The following COL6A5 variants were observed in gnomAD, a reference collection of about 807,000 sequenced individuals.
The protein encoded by COL6A5 is collagen type VI alpha 5 chain.
Under a neutral mutation model 65.6 loss-of-function variants are expected in COL6A5, and 48 were observed. The ratio of observed to expected loss-of-function variants is 0.73; its 90% CI spans 0.58 to 0.93. COL6A5 has a LOEUF of 0.93. COL6A5 is among the 40% of genes least tolerant of loss of function. The pLI is 0.00. For synonymous variants in COL6A5, 291 were observed against 322.8 expected (o/e 0.90, Z 1.05); for missense variants, 914 against 928.3 (o/e 0.98, Z 0.20).
At chr3:130,352,065 C>T (rs947430109) in intron 1 of COL6A5, among the ~76,000 whole-genome samples, 1 of 152,098 alleles carries the variant, frequency 6.6e-6, no homozygotes, top group Non-Finnish European at 1.5e-5. Flanking sequence ...GGACAGAAAA[C>T]CAAACACCGC....
At chr3:130,348,937 T>A (rs1466212272) in intron 1 of COL6A5, among the ~76,000 whole-genome samples, 1 of 152,202 alleles carries the variant, frequency 6.6e-6, no homozygotes, top group Non-Finnish European at 1.5e-5. Context: ...TCTGTTCATA[T>A]CCTTCACCCA....
At chr3:130,466,021 A>G (rs991815440) in intron 5 of COL6A5, among the ~76,000 whole-genome samples, 3 of 152,058 alleles carry the variant, frequency 2.0e-5, no homozygotes, top group Admixed American at 1.3e-4. Context: ...AAAAAGATAT[A>G]AAAAATGAAA....
chr3:130,452,831 C>T (rs573068966), intron 4 of COL6A5, among the ~76,000 whole-genome samples: 5 of 152,244 alleles, frequency 3.3e-5, no homozygotes, highest in Admixed American at 2.0e-4. Flanking sequence ...CCATAGAATA[C>T]GGCCACACCC....
chr3:130,481,308 G>A (rs191933869), intron 7 of COL6A5, among the ~76,000 whole-genome samples: 15 of 147,532 alleles, frequency 1.0e-4, no homozygotes, highest in African/African-American at 3.8e-4. Context: ...TTGGTTTTCT[G>A]TTCCTGTGTT....
At position 130,406,185 on chromosome 3, in the gene COL6A5, A is replaced by G; in HGVS notation, c.4425+10A>G. On this transcript the variant is annotated intron_variant and NMD_transcript_variant, in intron 16 of 41. Coordinates refer to the COL6A5 transcript ENST00000312481. ...ACTTGATGGGGAAGAGGTAAGCCAT[A>G]TTTCTTCAAGTATCATAAAACTGTC... is the stretch of plus-strand genomic sequence containing the variant. 1 of 1,550,464 alleles carries G rather than the reference A, an allele frequency of 6.4e-7. No individual in the cohort carries two copies. The highest frequency in any genetic ancestry group is 8.7e-7 in the Non-Finnish European group (1 of 1,145,914).
intron 4 of COL6A5, among the ~76,000 whole-genome samples, chr3:130,451,893 G>C (rs1353457681): frequency 6.6e-6 from 1 of 152,276 alleles, no homozygotes; most frequent in Non-Finnish European, 1.5e-5. Flanking sequence ...CATTAGGACA[G>C]CAGGTACCAA....
At chr3:130,370,486 A>T (rs1348631696) in intron 1 of COL6A5, among the ~76,000 whole-genome samples, 1 of 152,160 alleles carries the variant, frequency 6.6e-6, no homozygotes, top group Non-Finnish European at 1.5e-5. Context: ...AGGCTGCCCT[A>T]TTCTATATCC....
intron 6 of COL6A5, among the ~76,000 whole-genome samples, chr3:130,390,825 G>T (rs924193): frequency 0.57 from 86,897 of 152,084 alleles, 27,402 homozygotes; most frequent in Non-Finnish European, 0.72. Context: ...CATTACATTG[G>T]CATGGAACTA....
At chr3:130,390,168 C>T (rs975238832) in intron 6 of COL6A5, among the ~76,000 whole-genome samples, 16 of 152,152 alleles carry the variant, frequency 1.1e-4, no homozygotes, top group South Asian at 2.1e-4. Flanking sequence ...AACTTTGAAA[C>T]CTGCAAGGCT....
At chr3:130,376,057 C>A (rs559466104) in intron 2 of COL6A5, among the ~76,000 whole-genome samples, 180 bp from the exon 3 acceptor site, 1 of 152,218 alleles carries the variant, frequency 6.6e-6, no homozygotes, top group Admixed American at 6.5e-5. Flanking sequence ...TACTAAAGCC[C>A]TTTTGTTTGA....
At chr3:130,429,709 T>C (rs527238865), upstream of COL6A5, 2 of 726,136 alleles carry the variant, frequency 2.8e-6, no homozygotes, top group East Asian at 3.1e-5. Context: ...AGACAGTTCT[T>C]TCTTTTGATT....
intron 13 of COL6A5, 46 bp downstream of exon 13, chr3:130,403,708 TACACACACACAC>T: frequency 8.2e-7 from 1 of 1,215,206 alleles, no homozygotes. Flanking sequence ...ACACACACTG[TACACACACACAC>T]ACACACACAA....
intron 4 of COL6A5, 54 bp from the exon 5 acceptor site, chr3:130,384,750 T>C: frequency 7.1e-7 from 1 of 1,415,798 alleles, no homozygotes; most frequent in Admixed American, 2.8e-5. Context: ...ACAAACCCTC[T>C]TGCAAAGTTC....
At chr3:130,481,121 C>T (rs1223542414) in intron 7 of COL6A5, among the ~76,000 whole-genome samples, 1 of 151,650 alleles carries the variant, frequency 6.6e-6, no homozygotes, top group Non-Finnish European at 1.5e-5. Context: ...TAGGTATACA[C>T]GTGCCATGGT....
intron 3 of COL6A5, among the ~76,000 whole-genome samples, chr3:130,378,748 T>A (rs1271681337): frequency 6.6e-6 from 1 of 152,150 alleles, no homozygotes; most frequent in Non-Finnish European, 1.5e-5. Flanking sequence ...TCTTCAGTCA[T>A]TTCTCAACCC....
chr3:130,387,033 A>T (rs953079943), intron 5 of COL6A5, among the ~76,000 whole-genome samples: 3 of 152,088 alleles, frequency 2.0e-5, no homozygotes, highest in Admixed American at 6.6e-5. Context: ...TAGGGTGAAT[A>T]GTCCAGGTCT....
At chr3:130,355,129 G>A (rs1934878439) in intron 1 of COL6A5, among the ~76,000 whole-genome samples, 1 of 151,832 alleles carries the variant, frequency 6.6e-6, no homozygotes. Flanking sequence ...CTATCCAATA[G>A]TGCTGATGTG....
At chr3:130,356,696 A>G (rs1409773754) in intron 1 of COL6A5, among the ~76,000 whole-genome samples, 2 of 151,730 alleles carry the variant, frequency 1.3e-5, no homozygotes, top group African/African-American at 4.9e-5. Context: ...AAATAAAACA[A>G]CTCCAATAAA....
At chr3:130,425,606 A>G (rs16827630) in intron 29 of COL6A5, among the ~76,000 whole-genome samples, 8,219 of 152,188 alleles carry the variant, frequency 0.054, 249 homozygotes, top group South Asian at 0.089. Flanking sequence ...CCCTGATTCA[A>G]CTCACCAAAG....
Sources: gnomAD v4.1 joint callset for allele counts (sites outside exome capture counted in the v4.1 genomes callset) on GRCh38, gnomAD v4.1.1 for gene constraint, MANE v1.5 for transcripts, NCBI Gene and HGNC (gene_info 2026-07-23, HGNC 2026-07-21) for gene names.